The following CMYA5 variants were observed in gnomAD, a reference collection of about 807,000 sequenced individuals.
The protein encoded by CMYA5 is cardiomyopathy associated 5.
A neutral mutation model predicts 318.9 loss-of-function variants in CMYA5; 246 were observed. That is an observed-to-expected ratio of 0.77 (90% CI 0.70 to 0.86). The LOEUF (loss-of-function observed/expected upper bound fraction) is 0.86, where lower values mean the gene tolerates loss of function less well. CMYA5 is among the 40% of genes least tolerant of loss of function. The pLI is 0.00. For missense variants in CMYA5, 4,589 were observed against 4,678.2 expected (o/e 0.98, Z 0.56); for synonymous variants, 1,641 against 1,729.5 (o/e 0.95, Z 1.27).
chr5:79,731,844 T>A lies in CMYA5; in HGVS notation c.3079T>A (p.Leu1027Ile). The A allele has an allele frequency of 6.2e-7, 1 of 1,613,310 alleles. No individual in the cohort carries two copies. Among genetic ancestry groups the A allele is most frequent in the Non-Finnish European group, 8.5e-7 (1 of 1,179,754 alleles). Residue 1027 changes from leucine (L) to isoleucine (I), a missense_variant, in exon 2 of 13, where the codon TTA becomes ATA. Coordinates refer to ENST00000446378, the MANE Select transcript of CMYA5 (RefSeq NM_153610.5). ...AAATGAACTTGAGCCTGATTCACTATTAACTGCAGTGTCTGCTTCAGGTTA... is the reference window on the plus strand; with the variant it reads ...AAATGAACTTGAGCCTGATTCACTAATAACTGCAGTGTCTGCTTCAGGTTA... Reference protein sequence around the residue: ...EKNELEPDSLLTAVSASGYSC... With the variant: ...EKNELEPDSLITAVSASGYSC...
chr5:79,794,791 C>G (rs1365985527), intron 12 of CMYA5, among the ~76,000 whole-genome samples: 3 of 152,204 alleles, frequency 2.0e-5, no homozygotes, highest in African/African-American at 4.8e-5. Flanking sequence ...GCACATTTCT[C>G]CCTGCATCCT....
intron 9 of CMYA5, among the ~76,000 whole-genome samples, chr5:79,778,811 C>CTGTGTGTGTGTGTGTGTGTGTGTATG (rs1828993232): frequency 3.9e-4 from 33 of 85,006 alleles, no homozygotes; most frequent in African/African-American, 2.0e-3. Context: ...CTCTCTCTTT[C>CTGTGTGTGTGTGTGTGTGTGTGTATG]TGTGTGTGTG....
chr5:79,748,520 C>CTACCTATCTAT (rs1561218115), intron 5 of CMYA5, among the ~76,000 whole-genome samples: 12 of 149,202 alleles, frequency 8.0e-5, no homozygotes, highest in Admixed American at 3.3e-4. Context: ...TATCTATCTA[C>CTACCTATCTAT]CTATCTATCT....
In CMYA5 at chr5:79,732,419, A is replaced by G. The variant is rs1174496851; in HGVS notation, c.3654A>G (p.Ala1218=). ...EIVPDSQEAT[A]HVSQDQKMEP... Reference sequence around the variant, plus strand: ...TGCCTGATTCTCAAGAAGCTACAGCACATGTATCACAGGATCAAAAAATGG... The same window carrying G: ...TGCCTGATTCTCAAGAAGCTACAGCGCATGTATCACAGGATCAAAAAATGG... Residue 1218 remains alanine (A), a synonymous_variant, in exon 2 of 13, where the codon GCA becomes GCG. Coordinates refer to ENST00000446378, the MANE Select transcript of CMYA5 (RefSeq NM_153610.5). 6.2e-7 allele frequency: 1 copy of G among 1,613,718 alleles called. No individual in the cohort carries two copies. Among genetic ancestry groups the G allele is most frequent in the South Asian group, 1.1e-5 (1 of 91,006 alleles).
intron 5 of CMYA5, among the ~76,000 whole-genome samples, chr5:79,748,796 C>T (rs1406949477): frequency 6.6e-6 from 1 of 152,096 alleles, no homozygotes; most frequent in Non-Finnish European, 1.5e-5. Context: ...TGCCCACCTC[C>T]AGTTTCCTTT....
Position 79,737,232 on chromosome 5 carries a change from G to A in CMYA5, c.8467G>A (p.Gly2823Arg), listed in dbSNP as rs778499674. Residue 2823 changes from glycine to arginine, a missense_variant, in exon 2 of 13, where the codon GGA becomes AGA. Physicochemically the swap from Gly to Arg is moderately radical, Grantham distance 125. Transcript: ENST00000446378. ...SPVKPQTLAS[G>R]ASPEINAVKK... ...TGTAAAACCACAAACTCTTGCTTCAGGAGCTTCTCCAGAAATTAACGCAGT... is the reference window on the plus strand; with the variant it reads ...TGTAAAACCACAAACTCTTGCTTCAAGAGCTTCTCCAGAAATTAACGCAGT... The A allele has an allele frequency of 1.2e-6, 2 of 1,613,536 alleles. No individual in the cohort carries two copies. The highest frequency in any genetic ancestry group is 1.7e-6 in the Non-Finnish European group (2 of 1,179,780).
Position 79,739,983 on chromosome 5 carries a change from AAAAAT to A in CMYA5, c.10638+595_10638+599del, listed in dbSNP as rs560989361. 7.0e-3 allele frequency among the ~76,000 whole-genome samples: 1,058 copies of A among 152,206 alleles called. 15 individuals carry two copies. Among genetic ancestry groups the A allele is most frequent in the African/African-American group, 0.022 (899 of 41,524 alleles). Reference sequence around the variant, plus strand: ...AGGTGACAGAGTGAGACCCTGTCTCAAAAATAAAATAAAATAAAAAATAAATAAAA... The same window carrying A: ...AGGTGACAGAGTGAGACCCTGTCTCAAAAATAAAATAAAAAATAAATAAAA... On this transcript the variant is annotated intron_variant, in intron 2 of 12. Transcript: ENST00000446378.
At chr5:79,793,213 G>A (rs1305530026) in intron 11 of CMYA5, among the ~76,000 whole-genome samples, 1 of 152,172 alleles carries the variant, frequency 6.6e-6, no homozygotes, top group Non-Finnish European at 1.5e-5. Context: ...CATGTTGTAT[G>A]TATGTGACTG....
chr5:79,754,557 G>A (rs1828492353), intron 6 of CMYA5, among the ~76,000 whole-genome samples: 1 of 152,178 alleles, frequency 6.6e-6, no homozygotes, highest in African/African-American at 2.4e-5. Flanking sequence ...CTGCCCCACA[G>A]CGAAAAGGCA....
At chr5:79,784,781 C>G (rs1732926151) in intron 9 of CMYA5, among the ~76,000 whole-genome samples, 1 of 148,638 alleles carries the variant, frequency 6.7e-6, no homozygotes, top group Non-Finnish European at 1.5e-5. Context: ...TCGGCTCGCT[C>G]ACGGTGCGCG....
chr5:79,746,890 C>G (rs1042166201), intron 4 of CMYA5, among the ~76,000 whole-genome samples: 2 of 152,138 alleles, frequency 1.3e-5, no homozygotes, highest in African/African-American at 4.8e-5. Flanking sequence ...CCCTGCACCC[C>G]GCCTTGTGAG....
At chr5:79,742,103 TTCTTC>T (rs1490046670) in intron 2 of CMYA5, among the ~76,000 whole-genome samples, 1 of 107,930 alleles carries the variant, frequency 9.3e-6, no homozygotes, top group Non-Finnish European at 1.9e-5. Context: ...TTCTTCTTTC[TTCTTC>T]TCTTCTTCTT....
At chr5:79,695,784 A>G (rs1017436827) in intron 1 of CMYA5, among the ~76,000 whole-genome samples, 3 of 152,376 alleles carry the variant, frequency 2.0e-5, no homozygotes, top group Non-Finnish European at 4.4e-5. Context: ...GGAATATCCA[A>G]AGACATTCTT....
intron 9 of CMYA5, among the ~76,000 whole-genome samples, chr5:79,765,482 G>T (rs1828732345): frequency 6.6e-6 from 1 of 152,038 alleles, no homozygotes; most frequent in Non-Finnish European, 1.5e-5. Context: ...GCTCTTTTTT[G>T]GTTCCATATG....
rs896493426 is a variant in CMYA5, at chr5:79,744,148, T to C, written c.10734+226T>C. ...AAAGATTTGCCGGTAACGACAGACA[T>C]GCATTTATTAACACTTACTATAATA... On this transcript the variant is annotated intron_variant, in intron 3 of 12. Coordinates refer to ENST00000446378, the MANE Select transcript of CMYA5 (RefSeq NM_153610.5). 1.3e-5 allele frequency among the ~76,000 whole-genome samples: 2 copies of C among 152,354 alleles called. 1 individual carries two copies.
intron 6 of CMYA5, among the ~76,000 whole-genome samples, chr5:79,758,060 C>T (rs1199680505): frequency 6.6e-6 from 1 of 151,864 alleles, no homozygotes; most frequent in African/African-American, 2.4e-5. Flanking sequence ...TGAACCCCCA[C>T]CTCTACTAAA....
intron 9 of CMYA5, among the ~76,000 whole-genome samples, chr5:79,771,636 G>A (rs894157313): frequency 5.9e-5 from 9 of 152,180 alleles, no homozygotes; most frequent in South Asian, 2.1e-4. Context: ...GGGGGATGGC[G>A]TTCCATTGAG....
At position 79,729,788 on chromosome 5, in the gene CMYA5, A is replaced by G; in HGVS notation, c.1023A>G (p.Thr341=). Residue 341 remains threonine (T), a synonymous_variant, in exon 2 of 13, where the codon ACA becomes ACG. Transcript: ENST00000446378. ...ATGCCACATCTGCATTGGAGCACAC[A>G]GTTCCCTCTTATTCAAGTAGTGGCA... is the stretch of plus-strand genomic sequence containing the variant. ...PLNATSALEH[T]VPSYSSSGRA... 6.2e-7 allele frequency: 1 copy of G among 1,613,948 alleles called. No homozygotes were observed. The highest frequency in any genetic ancestry group is 8.5e-7 in the Non-Finnish European group (1 of 1,179,872).
At chr5:79,712,511 C>A (rs1006099276) in intron 1 of CMYA5, among the ~76,000 whole-genome samples, 3 of 151,984 alleles carry the variant, frequency 2.0e-5, no homozygotes, top group African/African-American at 4.8e-5. Flanking sequence ...CCACACCCGG[C>A]CTATTTTTTT....
Sources: gnomAD v4.1 joint callset for allele counts (sites outside exome capture counted in the v4.1 genomes callset) on GRCh38, gnomAD v4.1.1 for gene constraint, MANE v1.5 for transcripts, NCBI Gene and HGNC (gene_info 2026-07-23, HGNC 2026-07-21) for gene names.